TCF4: variants seen among roughly 807,000 people sequenced by gnomAD.
The protein encoded by TCF4 is transcription factor 4.
TCF4 carries 3 observed loss-of-function variants against 82.1 expected under a neutral mutation model. The ratio of observed to expected loss-of-function variants is 0.04; its 90% CI spans 0.02 to 0.09. The LOEUF (loss-of-function observed/expected upper bound fraction) is 0.09, where lower values mean the gene tolerates loss of function less well. Ranked by LOEUF, TCF4 falls within the 10% of genes least tolerant of loss-of-function variation. The pLI is 1.00. For missense variants in TCF4, 518 were observed against 852.7 expected (o/e 0.61, Z 4.89); for synonymous variants, 276 against 309.6 (o/e 0.89, Z 1.14).
At chr18:55,407,104 AAT>A (rs1404905251) in intron 5 of TCF4, among the ~76,000 whole-genome samples, 1 of 152,074 alleles carries the variant, frequency 6.6e-6, no homozygotes, top group Admixed American at 6.6e-5. Context: ...GAGATTCTGA[AAT>A]ATATACCAGA....
chr18:55,254,734 A>C (rs1435803468), intron 14 of TCF4, 34 bp from the exon 15 acceptor site: 10 of 1,573,068 alleles, frequency 6.4e-6, no homozygotes, highest in South Asian at 2.3e-5. Context: ...AATTTGATTT[A>C]GTTCAAAAGG....
intron 2 of TCF4, among the ~76,000 whole-genome samples, chr18:55,600,640 C>T (rs1568484713): frequency 2.0e-5 from 3 of 152,190 alleles, no homozygotes. Flanking sequence ...CCCTCATGTA[C>T]TCCTAGGCCA....
intron 15 of TCF4, among the ~76,000 whole-genome samples, chr18:55,248,056 G>A (rs1232757074): frequency 6.6e-6 from 1 of 152,208 alleles, no homozygotes; most frequent in Non-Finnish European, 1.5e-5. Context: ...TTCCCTGAGA[G>A]TCCATGGGAA....
chr18:55,448,727 ACT>A, intron 5 of TCF4, among the ~76,000 whole-genome samples: 1 of 152,238 alleles, frequency 6.6e-6, no homozygotes, highest in Middle Eastern at 3.4e-3. Context: ...GATAGTGAGT[ACT>A]CTCTCTTATT....
At chr18:55,426,779 A>G (rs925304706) in intron 5 of TCF4, among the ~76,000 whole-genome samples, 2 of 152,184 alleles carry the variant, frequency 1.3e-5, no homozygotes, top group East Asian at 1.9e-4. Flanking sequence ...TATAAAATAA[A>G]TATGTACTTC....
chr18:55,262,623 C>T (rs981731386), intron 11 of TCF4, among the ~76,000 whole-genome samples: 2 of 152,118 alleles, frequency 1.3e-5, no homozygotes, highest in South Asian at 4.1e-4. Context: ...CTAAGAGAGC[C>T]TTCTTTCTTA....
At chr18:55,588,400 G>A (rs1445817473), upstream of TCF4, 24 of 1,531,882 alleles carry the variant, frequency 1.6e-5, no homozygotes, top group African/African-American at 1.2e-4. Flanking sequence ...CCCACCCCGA[G>A]GGGAAAAAAA....
intron 3 of TCF4, among the ~76,000 whole-genome samples, chr18:55,559,715 A>G (rs2097338716): frequency 6.6e-6 from 1 of 151,876 alleles, no homozygotes; most frequent in African/African-American, 2.4e-5. Context: ...CCAAAGTTTT[A>G]TGCTTGGTGC....
intron 6 of TCF4, among the ~76,000 whole-genome samples, chr18:55,399,510 G>C (rs1471832328): frequency 6.6e-6 from 1 of 152,118 alleles, no homozygotes; most frequent in East Asian, 1.9e-4. Context: ...ACAAGATATG[G>C]GCTGGGACAT....
rs1311350034 is a variant in TCF4, at chr18:55,266,158, C to G, written c.922+3673G>C. 4 of 152,048 alleles carry G rather than the reference C, an allele frequency of 2.6e-5. No individual in the cohort carries two copies. In the East Asian group the frequency reaches 7.7e-4, roughly 29 times the overall value. The allele number at this position is 152,048 out of a possible 1,614,324, so 9.4% of individuals were successfully genotyped here. On this transcript the variant is annotated intron_variant, in intron 11 of 19. Transcript: ENST00000354452. ...GGTAGGAGGTCCTCTTACTTCTTTC[C>G]ATCAGGAAGGGCTACTGGATATTAT...
chr18:55,365,217 A>G lies in TCF4; in HGVS notation c.370-14214T>C, dbSNP rs559752805. On this transcript the variant is annotated intron_variant, in intron 6 of 19. Transcript: ENST00000354452. ...TGTGTGTGTGTGTGTGTGTATATAT[A>G]TGTGTGTGTGTGTGTGTATATATAT... Among the ~76,000 whole-genome samples, 246 of 125,934 alleles carry G rather than the reference A, an allele frequency of 2.0e-3. 1 individual carries two copies. The highest frequency in any genetic ancestry group is 6.0e-3 in the African/African-American group (174 of 29,014). 82.6% of individuals were successfully genotyped at this position (125,934 alleles called of 152,430 possible).
chr18:55,574,606 C>T (rs575188896), intron 3 of TCF4, among the ~76,000 whole-genome samples: 2 of 152,256 alleles, frequency 1.3e-5, no homozygotes, highest in Admixed American at 6.5e-5. Flanking sequence ...CCCAAAGTGC[C>T]GGGATTATAG....
chr18:55,480,276 CAA>C (rs74180500), intron 3 of TCF4, among the ~76,000 whole-genome samples: 1 of 27,700 alleles, frequency 3.6e-5, no homozygotes, highest in African/African-American at 1.3e-4. Flanking sequence ...GTAGGAACTC[CAA>C]AAAAAAAAAA....
intron 5 of TCF4, among the ~76,000 whole-genome samples, chr18:55,434,621 GT>G (rs778306249): frequency 6.6e-6 from 1 of 151,228 alleles, no homozygotes; most frequent in East Asian, 1.9e-4. Context: ...TAGAGACGGG[GT>G]TTCACCCTGT....
intron 2 of TCF4, among the ~76,000 whole-genome samples, chr18:55,627,672 G>A (rs1394219686): frequency 1.3e-5 from 2 of 152,148 alleles, no homozygotes; most frequent in Non-Finnish European, 2.9e-5. Context: ...GGCTGAGGCA[G>A]GACAATTGCT....
chr18:55,587,255 G>C (rs2097658017), intron 1 of TCF4, 119 bp from the exon 2 acceptor site: 1 of 554,376 alleles, frequency 1.8e-6, no homozygotes, highest in African/African-American at 2.1e-5. Flanking sequence ...GTGGGATTAA[G>C]GTGGAAAGGA....
At chr18:55,357,437 A>G (rs943925507) in intron 6 of TCF4, among the ~76,000 whole-genome samples, 12 of 152,244 alleles carry the variant, frequency 7.9e-5, no homozygotes, top group Admixed American at 1.3e-4. Context: ...GTGAGTTGAT[A>G]TGCTATAATC....
At chr18:55,486,044 T>C (rs536921337) in intron 3 of TCF4, among the ~76,000 whole-genome samples, 23 of 152,232 alleles carry the variant, frequency 1.5e-4, no homozygotes, top group Non-Finnish European at 2.4e-4. Flanking sequence ...TTCATTTCAA[T>C]AGAAGGAAAA....
At chr18:55,234,098 T>C (rs1375075530) in intron 16 of TCF4, among the ~76,000 whole-genome samples, 5 of 152,154 alleles carry the variant, frequency 3.3e-5, no homozygotes, top group Non-Finnish European at 7.4e-5. Context: ...ATTAGAGGGC[T>C]AGATGACTCA....
Sources: allele counts gnomAD v4.1 joint callset (sites outside exome capture counted in the v4.1 genomes callset), GRCh38; gene constraint gnomAD v4.1.1; transcripts MANE v1.5; gene names NCBI Gene and HGNC (gene_info 2026-07-23, HGNC 2026-07-21).